Variants in FAM184A observed in about 807,000 individuals in gnomAD.
FAM184A encodes the protein protein FAM184A.
In FAM184A, 99 loss-of-function variants were observed where a neutral mutation model predicts 143.8. That is an observed-to-expected ratio of 0.69 (90% CI 0.58 to 0.81). The LOEUF is 0.81. FAM184A is among the 40% of genes least tolerant of loss of function. The probability of loss-of-function intolerance (pLI) is 0.00; values close to 1 mark genes in which losing one functional copy is unlikely to be tolerated. For missense variants in FAM184A, 1,217 were observed against 1,310.5 expected (o/e 0.93, Z 1.10); for synonymous variants, 427 against 446.4 (o/e 0.96, Z 0.55).
At chr6:118,963,053 T>C (rs573483633) in intron 16 of FAM184A, 2 of 152,208 alleles carry the variant, frequency 1.3e-5, no homozygotes, top group East Asian at 1.9e-4. Context: ...TATTTTAGCA[T>C]AACCAGAAAA....
intron 9 of FAM184A, among the ~76,000 whole-genome samples, chr6:118,983,105 A>G (rs969015617): frequency 2.0e-5 from 3 of 152,208 alleles, no homozygotes; most frequent in Admixed American, 6.5e-5. Context: ...AAGGCCATCG[A>G]AAATCTTTGA....
chr6:119,080,897 C>G (rs1003489389), upstream of FAM184A, among the ~76,000 whole-genome samples: 5 of 152,062 alleles, frequency 3.3e-5, no homozygotes, highest in Non-Finnish European at 7.4e-5. Context: ...TTCTGAAGGC[C>G]GTACAGGAAT....
intron 1 of FAM184A, among the ~76,000 whole-genome samples, chr6:119,092,929 A>C (rs912115807): frequency 6.6e-6 from 1 of 152,192 alleles, no homozygotes; most frequent in African/African-American, 2.4e-5. Context: ...GGGAACATGA[A>C]GATCTATTAT....
At chr6:118,965,380 T>C (rs1384359688) in intron 15 of FAM184A, among the ~76,000 whole-genome samples, 1 of 152,042 alleles carries the variant, frequency 6.6e-6, no homozygotes, top group Non-Finnish European at 1.5e-5. Context: ...ATAGATTCGA[T>C]TGCATCTAAT....
chr6:119,003,463 A>T, intron 8 of FAM184A, 38 bp downstream of exon 8: 9 of 1,585,042 alleles, frequency 5.7e-6, no homozygotes, highest in Non-Finnish European at 7.7e-6. Flanking sequence ...ACTTTCTTGC[A>T]TGTCTTTATT....
intron 1 of FAM184A, among the ~76,000 whole-genome samples, chr6:119,058,366 A>G (rs139233908): frequency 4.0e-5 from 6 of 151,310 alleles, no homozygotes; most frequent in Admixed American, 6.6e-5. Context: ...ACATCTAGCT[A>G]ATTTTTTTGT....
chr6:119,049,745 A>G (rs1217639388), intron 1 of FAM184A, among the ~76,000 whole-genome samples: 1 of 152,212 alleles, frequency 6.6e-6, no homozygotes, highest in Non-Finnish European at 1.5e-5. Flanking sequence ...AAGATAACCT[A>G]GGCAATACCA....
intron 1 of FAM184A, among the ~76,000 whole-genome samples, chr6:119,049,924 C>G (rs954502320): frequency 2.6e-5 from 4 of 152,184 alleles, no homozygotes; most frequent in Admixed American, 6.5e-5. Flanking sequence ...AAAATTCTTG[C>G]AAACTATGCA....
chr6:118,971,493 G>C (rs1189409906), intron 14 of FAM184A, among the ~76,000 whole-genome samples: 1 of 152,084 alleles, frequency 6.6e-6, no homozygotes, highest in Non-Finnish European at 1.5e-5. Context: ...TCAAGTTGTA[G>C]AGAATGTTTT....
At chr6:119,051,629 C>T (rs1259000153) in intron 1 of FAM184A, among the ~76,000 whole-genome samples, 1 of 151,798 alleles carries the variant, frequency 6.6e-6, no homozygotes, top group Non-Finnish European at 1.5e-5. Flanking sequence ...TCATATACCC[C>T]ATAAATATAT....
chr6:118,969,363 T>C (rs558894424), intron 14 of FAM184A, among the ~76,000 whole-genome samples: 112 of 152,270 alleles, frequency 7.4e-4, no homozygotes, highest in Non-Finnish European at 1.4e-3. Context: ...GGATATTAAA[T>C]AGGAAAATAT....
intron 1 of FAM184A, among the ~76,000 whole-genome samples, chr6:119,056,267 G>C (rs984556579): frequency 3.3e-5 from 5 of 152,300 alleles, no homozygotes; most frequent in African/African-American, 1.2e-4. Context: ...GCTAGATTGA[G>C]ACAAGAAACT....
intron 1 of FAM184A, among the ~76,000 whole-genome samples, chr6:119,111,002 G>T (rs988237876): frequency 6.6e-6 from 1 of 152,028 alleles, no homozygotes; most frequent in African/African-American, 2.4e-5. Flanking sequence ...TGAAAAGGAA[G>T]GTTGCGATGA....
At chr6:119,023,198 A>G (rs1284206557) in intron 2 of FAM184A, 118 bp from the exon 3 acceptor site, 3 of 1,032,134 alleles carry the variant, frequency 2.9e-6, no homozygotes, top group Non-Finnish European at 1.4e-6. Flanking sequence ...CTATATACCA[A>G]TTTTTAAATC....
At chr6:119,106,724 G>A (rs1443383757) in intron 1 of FAM184A, among the ~76,000 whole-genome samples, 5 of 152,108 alleles carry the variant, frequency 3.3e-5, no homozygotes, top group Non-Finnish European at 7.4e-5. Flanking sequence ...TCTCTAAAAA[G>A]GACTAATTGT....
At chr6:119,133,987 G>A (rs1236776364) in intron 1 of FAM184A, among the ~76,000 whole-genome samples, 1 of 151,646 alleles carries the variant, frequency 6.6e-6, no homozygotes, top group South Asian at 2.1e-4. Context: ...CAGCGAGTAA[G>A]CATTTCTTGA....
At chr6:119,105,873 C>A (rs6913082) in intron 1 of FAM184A, among the ~76,000 whole-genome samples, 96,590 of 152,010 alleles carry the variant, frequency 0.64, 31,352 homozygotes, top group East Asian at 0.96. Context: ...ATTTATTGCC[C>A]AGATGCATAG....
chr6:119,138,948 G>C (rs1772116163), intron 1 of FAM184A, among the ~76,000 whole-genome samples: 1 of 151,998 alleles, frequency 6.6e-6, no homozygotes, highest in African/African-American at 2.4e-5. Flanking sequence ...AATGATTCTT[G>C]TGGTTATATC....
intron 9 of FAM184A, among the ~76,000 whole-genome samples, chr6:118,990,383 G>T (rs1784338116): frequency 6.6e-6 from 1 of 151,988 alleles, no homozygotes; most frequent in Admixed American, 6.6e-5. Context: ...AACTCATATG[G>T]TCACTACCTC....
Sources: gnomAD v4.1 joint callset for allele counts (sites outside exome capture counted in the v4.1 genomes callset) on GRCh38, gnomAD v4.1.1 for gene constraint, MANE v1.5 for transcripts, NCBI Gene and HGNC (gene_info 2026-07-23, HGNC 2026-07-21) for gene names.